Variants in CD53 observed in about 807,000 individuals in gnomAD.
CD53 encodes the protein leukocyte surface antigen CD53.
CD53 carries 20 observed loss-of-function variants against 27.3 expected under a neutral mutation model. The observed-to-expected ratio is 0.73, with a 90% CI of 0.52 to 1.07. CD53 has a LOEUF of 1.07. Ranked by LOEUF, CD53 falls within the 50% of genes least tolerant of loss-of-function variation. CD53 has a pLI of 0.00. For synonymous variants in CD53, 106 were observed against 105.3 expected, an observed-to-expected ratio of 1.01 and a Z score of -0.04; for missense variants, 216 against 264.0, an observed-to-expected ratio of 0.82 and a Z score of 1.26.
chr1:110,873,856 A>G (rs1557811806), intron 1 of CD53, among the ~76,000 whole-genome samples: 1 of 152,214 alleles, frequency 6.6e-6, no homozygotes, highest in Admixed American at 6.5e-5. Flanking sequence ...TTGGCTTTTA[A>G]GGAGCAGGAA....
chr1:110,885,535 C>G (rs1656547010), intron 1 of CD53, among the ~76,000 whole-genome samples: 1 of 150,282 alleles, frequency 6.7e-6, no homozygotes, highest in African/African-American at 2.5e-5. Flanking sequence ...GAGACTCTGT[C>G]TCAAAAAACA....
intron 2 of CD53, 44 bp from the exon 3 acceptor site, chr1:110,892,301 G>T: frequency 2.1e-6 from 3 of 1,447,912 alleles, no homozygotes; most frequent in Non-Finnish European, 2.9e-6. Context: ...AGATACCCAA[G>T]AACCACATTT....
intron 7 of CD53, among the ~76,000 whole-genome samples, chr1:110,898,785 C>T (rs1657178351): frequency 6.6e-6 from 1 of 152,070 alleles, no homozygotes; most frequent in African/African-American, 2.4e-5. Flanking sequence ...TGTTTGGAAA[C>T]AAAGGAGGCA....
intron 3 of CD53, 77 bp from the exon 4 acceptor site, chr1:110,894,250 T>A: frequency 7.7e-7 from 1 of 1,292,892 alleles, no homozygotes; most frequent in Non-Finnish European, 1.1e-6. Context: ...CAAATGCCCC[T>A]GGATGCTCCC....
At chr1:110,896,461 G>A (rs1657066007) in intron 5 of CD53, among the ~76,000 whole-genome samples, 192 bp from the exon 6 acceptor site, 1 of 152,158 alleles carries the variant, frequency 6.6e-6, no homozygotes, top group African/African-American at 2.4e-5. Flanking sequence ...CTACTCCACA[G>A]GGATCTTATG....
chr1:110,896,806 A>G, intron 6 of CD53, 73 bp downstream of exon 6: 2 of 1,301,334 alleles, frequency 1.5e-6, no homozygotes, highest in Non-Finnish European at 2.2e-6. Flanking sequence ...AACTGCAGTC[A>G]TAGAGGACCT....
chr1:110,874,787 G>A (rs988902727), intron 1 of CD53, among the ~76,000 whole-genome samples: 3 of 152,162 alleles, frequency 2.0e-5, no homozygotes, highest in African/African-American at 7.2e-5. Context: ...CTGACAAGAG[G>A]CACAAACTGG....
At chr1:110,883,854 A>G (rs1656456734) in intron 1 of CD53, among the ~76,000 whole-genome samples, 1 of 151,862 alleles carries the variant, frequency 6.6e-6, no homozygotes, top group African/African-American at 2.4e-5. Context: ...TATATTTTTG[A>G]TATCTATAGA....
At chr1:110,879,668 G>C (rs1426639295) in intron 1 of CD53, among the ~76,000 whole-genome samples, 1 of 152,088 alleles carries the variant, frequency 6.6e-6, no homozygotes, top group Admixed American at 6.5e-5. Context: ...CTCCAGCCTA[G>C]CTTGTAATAT....
upstream of CD53, among the ~76,000 whole-genome samples, chr1:110,871,427 G>T (rs1425154603): frequency 6.6e-6 from 1 of 152,122 alleles, no homozygotes; most frequent in Non-Finnish European, 1.5e-5. Context: ...GAACGTGGCT[G>T]AAAGGCCAGT....
Position 110,894,406 on chromosome 1 carries a change from G to A in CD53, c.327+5G>A, listed in dbSNP as rs773036104. Reference sequence around the variant, plus strand: ...CTCTTTGTATATGAACAGAAGGTAAGTTATAAAGACAACAACTTATTGTCT... The same window carrying A: ...CTCTTTGTATATGAACAGAAGGTAAATTATAAAGACAACAACTTATTGTCT... On this transcript the variant is annotated splice_donor_5th_base_variant and intron_variant, in intron 4 of 7. Transcript: ENST00000271324. The A allele has an allele frequency of 1.2e-6, 2 of 1,609,470 alleles. No homozygotes were observed. The highest frequency in any genetic ancestry group is 1.7e-6 in the Non-Finnish European group (2 of 1,175,738).
At chr1:110,891,288 C>A in intron 1 of CD53, 104 bp from the exon 2 acceptor site, 1 of 821,770 alleles carries the variant, frequency 1.2e-6, no homozygotes, top group South Asian at 1.5e-5. Context: ...AGAGCCACAG[C>A]TCAAACCCAA....
At chr1:110,888,193 A>C (rs1451082045) in intron 1 of CD53, among the ~76,000 whole-genome samples, 1 of 152,218 alleles carries the variant, frequency 6.6e-6, no homozygotes, top group Non-Finnish European at 1.5e-5. Flanking sequence ...TGACCTTCAG[A>C]ACTGTAAAAT....
intron 1 of CD53, among the ~76,000 whole-genome samples, 155 bp from the exon 2 acceptor site, chr1:110,891,237 A>G (rs1656840021): frequency 6.6e-6 from 1 of 152,272 alleles, no homozygotes; most frequent in Admixed American, 6.5e-5. Context: ...ATTTCAGTTT[A>G]GAACTAGGAA....
At chr1:110,885,390 T>G (rs1350246801) in intron 1 of CD53, among the ~76,000 whole-genome samples, 1 of 151,796 alleles carries the variant, frequency 6.6e-6, no homozygotes, top group African/African-American at 2.4e-5. Context: ...TACAAAAAAT[T>G]AGCTGGACGT....
At chr1:110,871,814 T>TACACACACACAC (rs3068856), upstream of CD53, among the ~76,000 whole-genome samples, 1,789 of 145,746 alleles carry the variant, frequency 0.012, 25 homozygotes, top group African/African-American at 0.035. Context: ...CAAGAGAAAC[T>TACACACACACAC]ACACACACAC....
chr1:110,886,888 G>A (rs1436987587), intron 1 of CD53, among the ~76,000 whole-genome samples: 1 of 87,554 alleles, frequency 1.1e-5, no homozygotes, highest in Admixed American at 1.3e-4. Context: ...TTCTGTCTGT[G>A]TTTCTTTGAG....
intron 7 of CD53, among the ~76,000 whole-genome samples, chr1:110,898,244 G>A (rs554740546): frequency 3.9e-5 from 6 of 152,080 alleles, no homozygotes; most frequent in African/African-American, 4.8e-5. Context: ...AGACGTAGTG[G>A]CAGGTGCCTG....
intron 1 of CD53, among the ~76,000 whole-genome samples, chr1:110,886,801 C>T (rs528015688): frequency 1.3e-5 from 2 of 149,794 alleles, no homozygotes; most frequent in South Asian, 4.3e-4. Flanking sequence ...GCCAAGATCA[C>T]GCCACTGCAC....
Sources: gnomAD v4.1 joint callset for allele counts (sites outside exome capture counted in the v4.1 genomes callset) on GRCh38, gnomAD v4.1.1 for gene constraint, MANE v1.5 for transcripts, NCBI Gene and HGNC (gene_info 2026-07-23, HGNC 2026-07-21) for gene names.